MMP12: variants seen among roughly 807,000 people sequenced by gnomAD.
MMP12 encodes macrophage metalloelastase.
Under a neutral mutation model 45.2 loss-of-function variants are expected in MMP12, and 51 were observed. That is an observed-to-expected ratio of 1.13 (90% confidence interval 0.90 to 1.42). MMP12 has a LOEUF of 1.42. Among genes scored for constraint, MMP12 ranks in the 40% most tolerant of loss-of-function variants. The probability of loss-of-function intolerance (pLI) is 0.00; values close to 1 mark genes in which losing one functional copy is unlikely to be tolerated. For synonymous variants in MMP12, 210 were observed against 193.3 expected, an observed-to-expected ratio of 1.09 and a Z score of -0.72; for missense variants, 530 against 570.8, an observed-to-expected ratio of 0.93 and a Z score of 0.73.
chr11:102,867,355 T>C lies in MMP12; in HGVS notation c.826A>G (p.Asn276Asp), dbSNP rs914523083. ...KENQRLPNPDNSEPALCDPNL... is the reference protein window; with the variant it reads ...KENQRLPNPDDSEPALCDPNL... ...GGGTCACAGAGAGCTGGTTCTGAAT[T>C]GTCAGGATTTGGCAAGCGTTGGTTC... The change falls in exon 6 of 10, where the codon AAT becomes GAT. Residue 276 changes from asparagine to aspartate, a missense_variant. Transcript: ENST00000571244. 1 of 1,611,582 alleles carries C rather than the reference T, an allele frequency of 6.2e-7. No homozygotes were observed. The highest frequency in any genetic ancestry group is 1.7e-5 in the Admixed American group (1 of 59,656).
chr11:102,870,848 G>C (rs28381671), intron 4 of MMP12, among the ~76,000 whole-genome samples: 2,988 of 152,168 alleles, frequency 0.02, 94 homozygotes, highest in African/African-American at 0.066. Context: ...TTTCTTTCTT[G>C]CTCACTATGA....
chr11:102,864,305 A>G (rs761390394), intron 8 of MMP12, 53 bp from the exon 9 acceptor site: 5 of 1,233,864 alleles, frequency 4.1e-6, no homozygotes, highest in Non-Finnish European at 6.0e-6. Flanking sequence ...CTTTCCTGAC[A>G]TGCACCACAA....
intron 4 of MMP12, among the ~76,000 whole-genome samples, chr11:102,870,511 A>C (rs1157311383): frequency 6.6e-6 from 1 of 152,220 alleles, no homozygotes; most frequent in Non-Finnish European, 1.5e-5. Context: ...TGCTGAGTAG[A>C]GAATATTATT....
chr11:102,864,290 AGTGGC>A (rs1555008219), intron 8 of MMP12, 38 bp from the exon 9 acceptor site: 12 of 1,470,770 alleles, frequency 8.2e-6, no homozygotes, highest in Non-Finnish European at 1.1e-5. Flanking sequence ...TCAATCAGAA[AGTGGC>A]TTTCCTGACA....
At chr11:102,871,076 A>T (rs1373940762) in intron 4 of MMP12, among the ~76,000 whole-genome samples, 3 of 152,072 alleles carry the variant, frequency 2.0e-5, no homozygotes, top group African/African-American at 2.4e-5. Flanking sequence ...ATAAAAAATT[A>T]AAAAATTAGC....
intron 8 of MMP12, among the ~76,000 whole-genome samples, chr11:102,864,947 G>T (rs1859359515): frequency 1.3e-5 from 2 of 152,298 alleles, no homozygotes; most frequent in South Asian, 4.1e-4. Context: ...CAGAAACACT[G>T]TTCAGAGTTG....
chr11:102,872,966 G>T lies in MMP12; in HGVS notation c.249C>A (p.Thr83=). The T allele has an allele frequency of 6.2e-7, 1 of 1,613,650 alleles. No homozygotes were observed. Among genetic ancestry groups the T allele is most frequent in the Non-Finnish European group, 8.5e-7 (1 of 1,179,764 alleles). The change falls in exon 2 of 10, where the codon ACC becomes ACA. Residue 83 remains threonine (T), a synonymous_variant. Transcript: ENST00000571244. ...LKVTGQLDTS[T]LEMMHAPRCG... Reference sequence around the variant, plus strand: ...ATCGAGGTGCGTGCATCATCTCCAGGGTAGATGTGTCCAGTTGCCCGGTCA... The same window carrying T: ...ATCGAGGTGCGTGCATCATCTCCAGTGTAGATGTGTCCAGTTGCCCGGTCA...
intron 4 of MMP12, among the ~76,000 whole-genome samples, chr11:102,868,596 T>A (rs1375146952): frequency 6.6e-6 from 1 of 152,186 alleles, no homozygotes; most frequent in African/African-American, 2.4e-5. Flanking sequence ...AAGGCTATCA[T>A]TAAGTTTCAG....
intron 2 of MMP12, 79 bp from the exon 3 acceptor site, chr11:102,872,031 G>T (rs17368659): frequency 0.12 from 161,991 of 1,377,676 alleles, 10,567 homozygotes; most frequent in Middle Eastern, 0.15. Flanking sequence ...ATTTTTGCTA[G>T]CACAATTGGA....
chr11:102,865,818 CGTGG>C lies in MMP12; in HGVS notation c.1159_1162del (p.Pro387ValfsTer9). 5 of 1,612,422 alleles carry C rather than the reference CGTGG, an allele frequency of 3.1e-6. No homozygotes were observed. The highest frequency in any genetic ancestry group is 4.2e-6 in the Non-Finnish European group (5 of 1,179,076). Reference sequence around the variant, plus strand: ...TACAAAGAAGTAGGTCCTATAAAAACGTGGGTTAAAAACAGCTGCATCAATTTTT... The same window carrying C: ...TACAAAGAAGTAGGTCCTATAAAAACGTTAAAAACAGCTGCATCAATTTTT... On this transcript the variant is annotated frameshift_variant, in exon 8 of 10. Coordinates refer to ENST00000571244, the MANE Select transcript of MMP12 (RefSeq NM_002426.6). LOFTEE classifies it high-confidence loss of function. This position sits in a 1 kb window ranked among gnomAD's most constrained non-coding sequence, Gnocchi z 4.1.
chr11:102,867,401 T>C lies in MMP12; in HGVS notation c.788-8A>G, dbSNP rs1555008728. ...GGTTCTCTTTTGGGTCTCCTGAAAATACATTTCGAGAAGCATTAGTAAACA... is the reference window on the plus strand; with the variant it reads ...GGTTCTCTTTTGGGTCTCCTGAAAACACATTTCGAGAAGCATTAGTAAACA... On this transcript the variant is annotated splice_region_variant and splice_polypyrimidine_tract_variant and intron_variant, in intron 5 of 9. Coordinates refer to ENST00000571244, the MANE Select transcript of MMP12 (RefSeq NM_002426.6). 1 of 1,600,316 alleles carries C rather than the reference T, an allele frequency of 6.2e-7. No individual in the cohort carries two copies. The highest frequency in any genetic ancestry group is 1.3e-5 in the African/African-American group (1 of 74,388).
At chr11:102,873,648 A>G (rs2134425224) in intron 1 of MMP12, among the ~76,000 whole-genome samples, 1 of 152,250 alleles carries the variant, frequency 6.6e-6, no homozygotes, top group African/African-American at 2.4e-5. Context: ...CATGTCATAA[A>G]CTATTAGCTA....
At chr11:102,870,928 C>G (rs1859482179) in intron 4 of MMP12, among the ~76,000 whole-genome samples, 1 of 152,170 alleles carries the variant, frequency 6.6e-6, no homozygotes, top group Non-Finnish European at 1.5e-5. Flanking sequence ...TTGGCACACA[C>G]AGAATTAGTA....
chr11:102,865,957 G>T lies in MMP12; in HGVS notation c.1046-22C>A, dbSNP rs782373845. The T allele has an allele frequency of 3.2e-6, 5 of 1,572,554 alleles. No homozygotes were observed. Among genetic ancestry groups the T allele is most frequent in the Non-Finnish European group, 4.3e-6 (5 of 1,151,976 alleles). Reference sequence around the variant, plus strand: ...TCATCTGTGAAGACAAAGAAATAGGGTAAATTTGAATTATACAGGAAGAGT... The same window carrying T: ...TCATCTGTGAAGACAAAGAAATAGGTTAAATTTGAATTATACAGGAAGAGT... On this transcript the variant is annotated intron_variant, in intron 7 of 9. Coordinates refer to ENST00000571244, the MANE Select transcript of MMP12 (RefSeq NM_002426.6). The surrounding 1 kb of genome is among the most constrained non-coding windows in gnomAD (Gnocchi z 4.1).
rs28381682 is a variant in MMP12, at chr11:102,866,943, C to T, written c.911+327G>A. 4.1e-3 allele frequency among the ~76,000 whole-genome samples: 625 copies of T among 152,290 alleles called. 2 individuals carry two copies. The highest frequency in any genetic ancestry group is 6.6e-3 in the Non-Finnish European group (446 of 68,016). On this transcript the variant is annotated intron_variant, in intron 6 of 9. Transcript: ENST00000571244. ...GGAAATCAAGTCTCTTGCATAGGTACTGTTTTACAGTCTTGGTTTCAGACT... is the reference window on the plus strand; with the variant it reads ...GGAAATCAAGTCTCTTGCATAGGTATTGTTTTACAGTCTTGGTTTCAGACT...
chr11:102,874,884 G>C lies in MMP12; in HGVS notation c.54C>G (p.Pro18=). The C allele has an allele frequency of 6.2e-7, 1 of 1,607,450 alleles. No individual in the cohort carries two copies. Among genetic ancestry groups the C allele is most frequent in the Non-Finnish European group, 8.5e-7 (1 of 1,176,764 alleles). Residue 18 remains proline (P), a synonymous_variant, in exon 1 of 10, where the codon CCC becomes CCG. Coordinates refer to ENST00000571244, the MANE Select transcript of MMP12 (RefSeq NM_002426.6). ...TTTCCAGGCTTGTAGAGCTGTTCAG[G>C]GGAAGAGCTCCAGAAGCAGTGGCCT... The part of the protein sequence containing the change: ...LLQATASGAL[P]LNSSTSLEKN...
At chr11:102,867,685 A>C (rs1859417269) in intron 5 of MMP12, among the ~76,000 whole-genome samples, 1 of 152,158 alleles carries the variant, frequency 6.6e-6, no homozygotes, top group South Asian at 2.1e-4. Flanking sequence ...AAAGAACACC[A>C]GACTTGAGGC....
At chr11:102,874,067 G>A (rs537260061) in intron 1 of MMP12, among the ~76,000 whole-genome samples, 1 of 148,362 alleles carries the variant, frequency 6.7e-6, no homozygotes, top group Non-Finnish European at 1.5e-5. Context: ...GAAAACAAAA[G>A]GATACATGAA....
At position 102,862,791 on chromosome 11, in the gene MMP12, A is replaced by C; in HGVS notation, c.*309T>G. ...ATATATACTTAATTTTAGTTATGCC[A>C]GAAGTAAGTATAATTTCTCAGTCCA... On this transcript the variant is annotated 3_prime_UTR_variant, in exon 10 of 10. Transcript: ENST00000571244. 1 of 184,206 alleles carries C rather than the reference A, an allele frequency of 5.4e-6. No individual in the cohort carries two copies. The highest frequency in any genetic ancestry group is 1.1e-5 in the Non-Finnish European group (1 of 89,764). 11.4% of individuals were successfully genotyped at this position (184,206 alleles called of 1,614,324 possible). A position where few individuals can be genotyped will look rare whatever the true frequency, so the allele number is the denominator to read the frequency against.
Sources: allele counts gnomAD v4.1 joint callset (sites outside exome capture counted in the v4.1 genomes callset), GRCh38; gene constraint gnomAD v4.1.1; non-coding constraint Gnocchi (gnomAD v3.1); transcripts MANE v1.5; gene names NCBI Gene and HGNC (gene_info 2026-07-23, HGNC 2026-07-21).